GAL: variants seen among roughly 807,000 people sequenced by gnomAD.
GAL encodes galanin and GMAP prepropeptide.
Under a neutral mutation model 15.8 loss-of-function variants are expected in GAL, and 14 were observed. The observed-to-expected ratio is 0.89, with a 90% confidence interval of 0.59 to 1.39. GAL has a LOEUF of 1.39. GAL is among the 40% of genes most tolerant of loss of function. The pLI is 0.00. For missense variants in GAL, 176 were observed against 170.4 expected (o/e 1.03, Z -0.18); for synonymous variants, 79 against 73.8 (o/e 1.07, Z -0.36).
At chr11:68,689,672 C>T (rs149011036) in intron 5 of GAL, among the ~76,000 whole-genome samples, 1 of 152,242 alleles carries the variant, frequency 6.6e-6, no homozygotes, top group Non-Finnish European at 1.5e-5. Context: ...GCTGGGATTA[C>T]AGGCGTGAGC....
chr11:68,688,640 A>C (rs1188153180), intron 4 of GAL, among the ~76,000 whole-genome samples: 1 of 152,142 alleles, frequency 6.6e-6, no homozygotes. Flanking sequence ...ATTAAAAAGA[A>C]GAAGAAGAAG....
chr11:68,688,273 G>A lies in GAL; in HGVS notation c.223+173G>A, dbSNP rs144183220. Among the ~76,000 whole-genome samples the A allele has an allele frequency of 1.6e-4, 24 of 152,308 alleles. No homozygotes were observed. The East Asian group carries it at 3.5e-3, about 22-fold the overall frequency. ...ACCTGTCAGCAGCTGCAAACAGAAC[G>A]TGCAAACCCGAGACAGCAAGGGGTC... is the stretch of plus-strand genomic sequence containing the variant. On this transcript the variant is annotated intron_variant, in intron 4 of 5. Transcript: ENST00000265643.
chr11:68,688,930 T>C lies in GAL; in HGVS notation c.301+4T>C, dbSNP rs774659066. 10 of 1,409,328 alleles carry C rather than the reference T, an allele frequency of 7.1e-6. No homozygotes were observed. In the Admixed American group the frequency reaches 1.2e-4, roughly 17 times the overall value. The allele number at this position is 1,409,328 out of a possible 1,614,324, so 87.3% of individuals were successfully genotyped here. On this transcript the variant is annotated splice_donor_region_variant and intron_variant, in intron 5 of 5. Coordinates refer to ENST00000265643, the MANE Select transcript of GAL (RefSeq NM_015973.5). Reference sequence around the variant, plus strand: ...CTGTCTTTCTTGCATCTCAAAGGTATGTGAAATATCATCAACTTAACATTC... The same window carrying C: ...CTGTCTTTCTTGCATCTCAAAGGTACGTGAAATATCATCAACTTAACATTC...
Position 68,684,745 on chromosome 11 carries a change from C to T in GAL, c.-1+13C>T, listed in dbSNP as rs1945832795. ...GCCGCAGCTCAAGGTACTACTGGCGCCGGGCCGACCCTGCGCCCCCGGGAG... is the reference window on the plus strand; with the variant it reads ...GCCGCAGCTCAAGGTACTACTGGCGTCGGGCCGACCCTGCGCCCCCGGGAG... On this transcript the variant is annotated intron_variant, in intron 1 of 5. Transcript: ENST00000265643. The T allele has an allele frequency of 1.6e-5, 8 of 511,904 alleles. No homozygotes were observed. The highest frequency in any genetic ancestry group is 2.8e-5 in the Non-Finnish European group (8 of 288,218). 31.7% of individuals were successfully genotyped at this position (511,904 alleles called of 1,614,324 possible). A position where few individuals can be genotyped will look rare whatever the true frequency, so the allele number is the denominator to read the frequency against.
chr11:68,691,042 T>A lies in GAL; in HGVS notation c.*55T>A, dbSNP rs1945900623. ...TGTAACCTGAAGTCAAACCTTAAGATAATGGATAATCTTCGGCCAATTTAT... is the reference window on the plus strand; with the variant it reads ...TGTAACCTGAAGTCAAACCTTAAGAAAATGGATAATCTTCGGCCAATTTAT... On this transcript the variant is annotated 3_prime_UTR_variant, in exon 6 of 6. Transcript: ENST00000265643. 2 of 1,098,310 alleles carry A rather than the reference T, an allele frequency of 1.8e-6. No homozygotes were observed. Among genetic ancestry groups the A allele is most frequent in the Non-Finnish European group, 2.8e-6 (2 of 710,496 alleles). The allele number at this position is 1,098,310 out of a possible 1,614,324, so 68.0% of individuals were successfully genotyped here.
chr11:68,690,892 T>C, intron 5 of GAL, 25 bp from the exon 6 acceptor site: 2 of 1,531,760 alleles, frequency 1.3e-6, no homozygotes, highest in South Asian at 1.1e-5. Context: ...AAGTTGCTGC[T>C]CAGATGTGGC....
intron 1 of GAL, 64 bp downstream of exon 1, chr11:68,684,796 C>T (rs1945833362): frequency 3.3e-6 from 2 of 610,652 alleles, no homozygotes; most frequent in Admixed American, 5.4e-5. Flanking sequence ...TTCCTCTGCC[C>T]AGGGACGGTT....
chr11:68,690,673 A>G (rs183571784), intron 5 of GAL, among the ~76,000 whole-genome samples: 3 of 152,338 alleles, frequency 2.0e-5, no homozygotes, highest in African/African-American at 7.2e-5. Context: ...TTACTCAGCT[A>G]GGAATTATAC....
In GAL at chr11:68,690,909, C is replaced by T; in HGVS notation, c.302-8C>T. 1 of 1,604,196 alleles carries T rather than the reference C, an allele frequency of 6.2e-7. No homozygotes were observed. Among genetic ancestry groups the T allele is most frequent in the East Asian group, 2.2e-5 (1 of 44,832 alleles). On this transcript the variant is annotated splice_polypyrimidine_tract_variant and splice_region_variant and intron_variant, in intron 5 of 5. Coordinates refer to ENST00000265643, the MANE Select transcript of GAL (RefSeq NM_015973.5). Reference sequence around the variant, plus strand: ...GTTGCTGCTCAGATGTGGCTCTTCCCTTTGCAGAGGCCGGTGCCCTCGACC... The same window carrying T: ...GTTGCTGCTCAGATGTGGCTCTTCCTTTTGCAGAGGCCGGTGCCCTCGACC...
intron 5 of GAL, among the ~76,000 whole-genome samples, chr11:68,690,364 T>C (rs911578440): frequency 2.2e-4 from 33 of 152,160 alleles, no homozygotes; most frequent in African/African-American, 7.7e-4. Flanking sequence ...TCAGGATGTT[T>C]TTCATTTGCA....
chr11:68,686,118 C>T (rs948546897), intron 3 of GAL, among the ~76,000 whole-genome samples: 1 of 152,206 alleles, frequency 6.6e-6, no homozygotes, highest in African/African-American at 2.4e-5. Context: ...GTGACCCTGC[C>T]TGCCCAAGCC....
chr11:68,688,789 G>C, intron 4 of GAL, 60 bp from the exon 5 acceptor site: 1 of 820,204 alleles, frequency 1.2e-6, no homozygotes, highest in Non-Finnish European at 2.2e-6. Context: ...GGAGGGGGAT[G>C]ACCTGAGACA....
intron 3 of GAL, among the ~76,000 whole-genome samples, chr11:68,687,503 C>G (rs1358438519): frequency 6.6e-6 from 1 of 151,994 alleles, no homozygotes; most frequent in Non-Finnish European, 1.5e-5. Flanking sequence ...CTCCCTCTGT[C>G]TCTCTCCTTC....
rs192904317 is a variant in GAL at position 68,685,286 on chromosome 11, C to T, written c.81+282C>T. ...CGCCTCGGGAAAGCGAGAAGCTCGC[C>T]CGTTCCGCAGGGCTTAGTTAGAATG... On this transcript the variant is annotated intron_variant, in intron 2 of 5. Coordinates refer to ENST00000265643, the MANE Select transcript of GAL (RefSeq NM_015973.5). 2.3e-3 allele frequency among the ~76,000 whole-genome samples: 347 copies of T among 152,368 alleles called. 2 individuals are homozygous for T. The highest frequency in any genetic ancestry group is 0.01 in the Middle Eastern group (3 of 294).
intron 3 of GAL, 50 bp downstream of exon 3, chr11:68,685,698 C>G: frequency 7.4e-7 from 1 of 1,352,046 alleles, no homozygotes; most frequent in Non-Finnish European, 1.1e-6. Context: ...ACCTGCCCCT[C>G]GCTTTGAACC....
intron 3 of GAL, among the ~76,000 whole-genome samples, chr11:68,687,683 C>T (rs1190564107): frequency 3.9e-5 from 6 of 152,234 alleles, no homozygotes; most frequent in Non-Finnish European, 8.8e-5. Flanking sequence ...TCAGTGCCAG[C>T]TCAGATGCCA....
In GAL at chr11:68,691,084, C is replaced by T; in HGVS notation, c.*97C>T. On this transcript the variant is annotated 3_prime_UTR_variant, in exon 6 of 6. Coordinates refer to ENST00000265643, the MANE Select transcript of GAL (RefSeq NM_015973.5). ...CCAATTTATGCAGAGTCAGCCATTC[C>T]TGTTCTCTTTGCCTTGATGTTGTGT... 1 of 784,280 alleles carries T rather than the reference C, an allele frequency of 1.3e-6. No homozygotes were observed. The highest frequency in any genetic ancestry group is 1.4e-5 in the South Asian group (1 of 71,316). 48.6% of individuals were successfully genotyped at this position (784,280 alleles called of 1,614,324 possible).
At chr11:68,684,885 T>C in intron 1 of GAL, 39 bp from the exon 2 acceptor site, 1 of 1,356,494 alleles carries the variant, frequency 7.4e-7, no homozygotes, top group Non-Finnish European at 1.0e-6. Context: ...CGCAGCCCAC[T>C]CCGGGTTCCG....
chr11:68,686,605 A>G (rs961190367), intron 3 of GAL, among the ~76,000 whole-genome samples: 11 of 152,330 alleles, frequency 7.2e-5, no homozygotes, highest in African/African-American at 2.6e-4. Context: ...CCCCAGAGTC[A>G]GGCTTTAAGA....
Sources: allele counts gnomAD v4.1 joint callset (sites outside exome capture counted in the v4.1 genomes callset), GRCh38; gene constraint gnomAD v4.1.1; transcripts MANE v1.5; gene names NCBI Gene and HGNC (gene_info 2026-07-23, HGNC 2026-07-21).